DGKK: variants seen among roughly 807,000 people sequenced by gnomAD.
DGKK encodes diacylglycerol kinase kappa, also known as 142 kDa diacylglycerol kinase.
In DGKK, 35 loss-of-function variants were observed where a neutral mutation model predicts 92.2. That is an observed-to-expected ratio of 0.38 (90% CI 0.29 to 0.50). The LOEUF is 0.50. Among genes scored for constraint, DGKK ranks in the 20% least tolerant of loss-of-function variants. DGKK has a pLI of 0.92. For synonymous variants in DGKK, 368 were observed against 360.6 expected, an observed-to-expected ratio of 1.02 and a Z score of -0.23; for missense variants, 910 against 992.2, an observed-to-expected ratio of 0.92 and a Z score of 1.11.
In DGKK at chrX:50,379,892, C is replaced by T. The variant is rs1924372207; in HGVS notation, c.2754+89G>A. ...AGCTGTGAGGATCACAGAGTTAAAG[C>T]TCAGGAAGAATCAGCATGTACGGTA... On this transcript the variant is annotated intron_variant, in intron 19 of 27. Transcript: ENST00000611977. The T allele has an allele frequency of 1.1e-5, 11 of 983,821 alleles. No individual in the cohort carries two copies. In the South Asian group the frequency reaches 2.2e-4, roughly 20 times the overall value. The allele number at this position is 983,821 out of a possible 1,213,427, so 81.1% of individuals were successfully genotyped here. A position where few individuals can be genotyped will look rare whatever the true frequency, so the allele number is the denominator to read the frequency against.
intron 1 of DGKK, among the ~76,000 whole-genome samples, chrX:50,458,802 T>C (rs112536058): frequency 9.0e-6 from 1 of 111,368 alleles, no homozygotes; most frequent in Non-Finnish European, 1.9e-5. Context: ...TCATCTACTT[T>C]ATTTTTTACA....
In DGKK at chrX:50,388,631, G is replaced by A; in HGVS notation, c.1927-13C>T. On this transcript the variant is annotated splice_polypyrimidine_tract_variant and intron_variant, in intron 12 of 27. Transcript: ENST00000611977. The stretch of plus-strand genomic sequence containing the variant: ...GGATGGCAGCAGCCTAGGGGCAAAA[G>A]GAGTTCTTAGCCCTGGAATCTTAGT... 1 of 1,149,432 alleles carries A rather than the reference G, an allele frequency of 8.7e-7. No individual in the cohort carries two copies. The highest frequency in any genetic ancestry group is 1.2e-6 in the Non-Finnish European group (1 of 845,390). 94.7% of individuals were successfully genotyped at this position (1,149,432 alleles called of 1,213,427 possible).
rs1051895271 is a variant in DGKK at position 50,377,903 on chromosome X, T to C, written c.3111+195A>G. Among the ~76,000 whole-genome samples, 3 of 111,090 alleles carry C rather than the reference T, an allele frequency of 2.7e-5. No homozygotes were observed. In the South Asian group the frequency reaches 1.2e-3, roughly 43 times the overall value. ...TTTGCAAATTTGGGTTCCTGGGAAC[T>C]ATGCAACCCTATGTGGTTCAGTGGG... is the stretch of plus-strand genomic sequence containing the variant. On this transcript the variant is annotated intron_variant, in intron 22 of 27. Transcript: ENST00000611977.
Position 50,379,677 on chromosome X carries a change from T to C in DGKK, c.2812A>G (p.Thr938Ala). The C allele has an allele frequency of 8.3e-7, 1 of 1,211,668 alleles. No homozygotes were observed. Among genetic ancestry groups the C allele is most frequent in the Non-Finnish European group, 1.1e-6 (1 of 895,350 alleles). The change falls in exon 20 of 28, where the codon ACC (threonine) becomes GCC (alanine). Residue 938 changes from threonine to alanine, a missense_variant. Physicochemically the swap from Thr to Ala is moderately conservative, Grantham distance 58. Coordinates refer to ENST00000611977, the MANE Select transcript of DGKK (RefSeq NM_001013742.4). ...AAGTTGATACCTCCAGCATAGCTGG[T>C]AATGTTGAGCACTACAATGCCTTGC... ...NLQGIVVLNI[T>A]SYAGGINFWG...
chrX:50,435,510 A>C (rs1925997356), intron 1 of DGKK, among the ~76,000 whole-genome samples: 1 of 112,112 alleles, frequency 8.9e-6, no homozygotes, highest in Non-Finnish European at 1.9e-5. Flanking sequence ...AAGTGGTTAG[A>C]TTATAAAGAG....
intron 17 of DGKK, 74 bp from the exon 18 acceptor site, chrX:50,382,677 A>C: frequency 1.2e-6 from 1 of 828,883 alleles, no homozygotes; most frequent in Non-Finnish European, 1.7e-6. Context: ...CATGAAGATG[A>C]ATCTGCATGA....
At chrX:50,391,322 G>A (rs1432726242) in intron 11 of DGKK, 115 bp downstream of exon 11, 25 of 1,020,426 alleles carry the variant, frequency 2.4e-5, no homozygotes, top group Non-Finnish European at 1.3e-6. Context: ...CTGCACTGAA[G>A]CCAGAAAGGA....
At chrX:50,386,862 G>A (rs1426428998) in intron 14 of DGKK, among the ~76,000 whole-genome samples, 1 of 111,837 alleles carries the variant, frequency 8.9e-6, no homozygotes. Flanking sequence ...AGTCTTTCTT[G>A]TGTCAAACGG....
intron 20 of DGKK, 91 bp downstream of exon 20, chrX:50,379,536 A>G (rs1171601407): frequency 4.0e-6 from 3 of 759,137 alleles, no homozygotes; most frequent in Admixed American, 4.7e-5. Context: ...CCCATTGTCT[A>G]TTTTTCACTT....
chrX:50,404,047 A>G lies in DGKK; in HGVS notation c.1078+2T>C. ...CACTTCCTAAAGGAATCAGAAAGGT[A>G]CCTTCACAGATGATGGCATCTCTAG... On this transcript the variant is annotated splice_donor_variant, in intron 5 of 27. Coordinates refer to ENST00000611977, the MANE Select transcript of DGKK (RefSeq NM_001013742.4). LOFTEE classifies it high-confidence loss of function. 8.3e-7 allele frequency: 1 copy of G among 1,209,986 alleles called. No homozygotes were observed. Among genetic ancestry groups the G allele is most frequent in the Non-Finnish European group, 1.1e-6 (1 of 894,820 alleles).
At chrX:50,413,273 G>A (rs1925347863) in intron 4 of DGKK, among the ~76,000 whole-genome samples, 1 of 111,901 alleles carries the variant, frequency 8.9e-6, no homozygotes, top group South Asian at 3.7e-4. Context: ...TAACACAAGG[G>A]AAAAAGCTCC....
In DGKK at chrX:50,368,958, T is replaced by C. The variant is rs1557222782; in HGVS notation, c.3798A>G (p.Pro1266=). 2.5e-6 allele frequency: 3 copies of C among 1,209,379 alleles called. No homozygotes were observed. Among genetic ancestry groups the C allele is most frequent in the Non-Finnish European group, 2.2e-6 (2 of 894,076 alleles). The stretch of plus-strand genomic sequence containing the variant: ...TCAAGGGCTACAGTTGAGATCTCGA[T>C]GGTGTTAGAGGATCATCACCCTCTG... ...DEAEGDDPLT[P]SRSQL Residue 1266 remains proline, a synonymous_variant, in exon 28 of 28, where the codon CCA becomes CCG. Coordinates refer to ENST00000611977, the MANE Select transcript of DGKK (RefSeq NM_001013742.4).
At chrX:50,401,280 C>A in intron 7 of DGKK, 141 bp from the exon 8 acceptor site, 1 of 533,987 alleles carries the variant, frequency 1.9e-6, no homozygotes, top group Non-Finnish European at 3.1e-6. Context: ...ATACATATAT[C>A]CCTAACTCAC....
At chrX:50,455,399 G>A (rs1265055426) in intron 1 of DGKK, among the ~76,000 whole-genome samples, 2 of 111,616 alleles carry the variant, frequency 1.8e-5, no homozygotes, top group East Asian at 5.6e-4. Flanking sequence ...ATTAAGTATA[G>A]GTACTTAATA....
chrX:50,441,874 T>A (rs1459215413), intron 1 of DGKK, among the ~76,000 whole-genome samples: 3 of 111,811 alleles, frequency 2.7e-5, no homozygotes, highest in Non-Finnish European at 5.7e-5. Flanking sequence ...AATACATTGA[T>A]ATAAATAAAT....
chrX:50,385,451 A>T (rs1924520718), intron 15 of DGKK, among the ~76,000 whole-genome samples: 1 of 112,233 alleles, frequency 8.9e-6, no homozygotes, highest in Non-Finnish European at 1.9e-5. Context: ...ATATGTGTTG[A>T]TGGAGCAGAC....
intron 1 of DGKK, among the ~76,000 whole-genome samples, chrX:50,443,808 C>T (rs1413052739): frequency 2.8e-5 from 3 of 108,826 alleles, no homozygotes; most frequent in African/African-American, 6.7e-5. Flanking sequence ...TGAACTGTAC[C>T]GTAGGCACAA....
At chrX:50,379,906 G>T in intron 19 of DGKK, 75 bp downstream of exon 19, 1 of 1,009,838 alleles carries the variant, frequency 9.9e-7, no homozygotes, top group Non-Finnish European at 1.4e-6. Flanking sequence ...GGAAGAATCA[G>T]CATGTACGGT....
At chrX:50,425,304 T>C (rs1255477914) in intron 1 of DGKK, among the ~76,000 whole-genome samples, 2 of 111,449 alleles carry the variant, frequency 1.8e-5, no homozygotes, top group African/African-American at 6.5e-5. Context: ...GTTGGTAATA[T>C]TTGAAAGGTG....
Sources: allele counts gnomAD v4.1 joint callset (sites outside exome capture counted in the v4.1 genomes callset), GRCh38; gene constraint gnomAD v4.1.1; transcripts MANE v1.5; gene names NCBI Gene and HGNC (gene_info 2026-07-23, HGNC 2026-07-21).